The following CLPB variants were observed in gnomAD, a reference collection of about 807,000 sequenced individuals.
The protein encoded by CLPB is mitochondrial disaggregase.
In CLPB, 40 loss-of-function variants were observed where a neutral mutation model predicts 78.4. The observed-to-expected ratio is 0.51, with a 90% CI of 0.40 to 0.66. The LOEUF is 0.66. Among genes scored for constraint, CLPB ranks in the 30% least tolerant of loss-of-function variants. The probability of loss-of-function intolerance (pLI) is 0.00; values close to 1 mark genes in which losing one functional copy is unlikely to be tolerated. For missense variants in CLPB, 780 were observed against 886.9 expected (o/e 0.88, Z 1.53); for synonymous variants, 333 against 348.0 (o/e 0.96, Z 0.48).
intron 4 of CLPB, among the ~76,000 whole-genome samples, chr11:72,375,118 C>T (rs961982322): frequency 6.6e-6 from 1 of 152,134 alleles, no homozygotes; most frequent in African/African-American, 2.4e-5. Context: ...TAGGAATCTC[C>T]AGATATTTTA....
At chr11:72,409,390 C>T (rs1469369884) in intron 2 of CLPB, among the ~76,000 whole-genome samples, 1 of 152,012 alleles carries the variant, frequency 6.6e-6, no homozygotes, top group Non-Finnish European at 1.5e-5. Flanking sequence ...TCGAGACCAG[C>T]CCAGCCAACA....
At chr11:72,302,735 G>T in intron 9 of CLPB, 1 of 264,146 alleles carries the variant, frequency 3.8e-6, no homozygotes, top group Non-Finnish European at 7.5e-6. Context: ...CTTGGTCTCT[G>T]TCCTTAAGAA....
At chr11:72,360,074 C>T (rs1209913285) in intron 4 of CLPB, among the ~76,000 whole-genome samples, 2 of 152,152 alleles carry the variant, frequency 1.3e-5, no homozygotes, top group African/African-American at 4.8e-5. Flanking sequence ...GAAATGAGAC[C>T]CCTCAGAGCA....
At chr11:72,316,984 T>C (rs1322931261) in intron 7 of CLPB, 122 bp downstream of exon 7, 5 of 593,532 alleles carry the variant, frequency 8.4e-6, no homozygotes, top group Non-Finnish European at 1.4e-5. Context: ...GTCTGGCATG[T>C]AGATAGTACT....
chr11:72,318,668 G>A (rs908511720), intron 6 of CLPB, among the ~76,000 whole-genome samples: 4 of 152,280 alleles, frequency 2.6e-5, no homozygotes, highest in South Asian at 4.1e-4. Context: ...GACCTTGACA[G>A]AAGTTAAAAA....
rs541721719 is a variant in CLPB at position 72,287,452 on chromosome 11, A to G, written c.*5915T>C. On this transcript the variant is annotated 3_prime_UTR_variant, in exon 16 of 16. Coordinates refer to ENST00000538039, the MANE Select transcript of CLPB (RefSeq NM_001258392.3). ...TCAGCCTCCCAAGTAGCTGTTGACT[A>G]CAGGCAAGCACCATCATGCCTGGCT... 3 of 152,270 alleles carry G rather than the reference A, an allele frequency of 2.0e-5. No homozygotes were observed. The highest frequency in any genetic ancestry group is 2.1e-4 in the South Asian group (1 of 4,814). 9.4% of individuals were successfully genotyped at this position (152,270 alleles called of 1,614,324 possible).
intron 5 of CLPB, chr11:72,354,140 G>T: frequency 2.8e-6 from 1 of 356,744 alleles, no homozygotes; most frequent in Non-Finnish European, 4.9e-6. Flanking sequence ...TAAATGGCAG[G>T]GCTGGTACCA....
chr11:72,323,787 T>A (rs1377239966), intron 6 of CLPB, among the ~76,000 whole-genome samples: 1 of 152,156 alleles, frequency 6.6e-6, no homozygotes, highest in Non-Finnish European at 1.5e-5. Context: ...GAGATAGGAA[T>A]AACATCTGTA....
intron 4 of CLPB, among the ~76,000 whole-genome samples, chr11:72,377,652 G>A (rs900045125): frequency 4.3e-4 from 60 of 140,638 alleles, no homozygotes; most frequent in Non-Finnish European, 1.2e-4. Flanking sequence ...GGGAAGCAAA[G>A]GGGAAGGGAA....
intron 5 of CLPB, among the ~76,000 whole-genome samples, chr11:72,331,229 C>A (rs1182289701): frequency 6.6e-6 from 1 of 151,774 alleles, no homozygotes; most frequent in Non-Finnish European, 1.5e-5. Flanking sequence ...TGGTGAAACG[C>A]CATCTCTCCT....
rs146721061 is a variant in CLPB at position 72,301,812 on chromosome 11, C to T, written c.1320G>A (p.Leu440=). ...HPDVLTIMLQ[L]FDEGRLTDGK... is the part of the protein sequence containing the mutation. ...GCCCAAGGTGACTCACCTCATCAAA[C>T]AGCTGCAGCATGATGGTGAGCACAT... The change falls in exon 11 of 16, where the codon CTG becomes CTA. Residue 440 remains leucine (L), a synonymous_variant. Coordinates refer to ENST00000538039, the MANE Select transcript of CLPB (RefSeq NM_001258392.3). 1.2e-6 allele frequency: 2 copies of T among 1,613,982 alleles called. No homozygotes were observed. The highest frequency in any genetic ancestry group is 1.1e-5 in the South Asian group (1 of 91,054).
rs150343959 is a variant in CLPB, at chr11:72,293,609, G to A, written c.1792C>T (p.Arg598Cys). The A allele has an allele frequency of 2.0e-3, 3,293 of 1,610,442 alleles. 4 individuals carry two copies. Among genetic ancestry groups the A allele is most frequent in the Non-Finnish European group, 2.6e-3 (3,051 of 1,177,142 alleles). The change falls in exon 16 of 16, where the codon CGC (arginine) becomes TGC (cysteine). Residue 598 changes from arginine (R) to cysteine (C), a missense_variant. Transcript: ENST00000538039. The stretch of plus-strand genomic sequence containing the variant: ...GCTGCCAGCTGGTTCACCACACGGC[G>A]TTCTACCTGTCGGTGGGGAGGTGAA... ...GARSIKHEVERRVVNQLAAAY... is the reference protein window; with the variant it reads ...GARSIKHEVECRVVNQLAAAY...
chr11:72,381,830 G>A (rs1454006654), intron 3 of CLPB, among the ~76,000 whole-genome samples: 3 of 152,024 alleles, frequency 2.0e-5, no homozygotes, highest in African/African-American at 4.8e-5. Flanking sequence ...GTGGACACAG[G>A]CTCTAGGCCT....
chr11:72,326,314 T>A (rs1950133603), intron 6 of CLPB, among the ~76,000 whole-genome samples: 2 of 152,204 alleles, frequency 1.3e-5, no homozygotes, highest in Non-Finnish European at 1.5e-5. Flanking sequence ...ATACCACTGA[T>A]GACTCAGTGG....
At position 72,424,885 on chromosome 11, in the gene CLPB, CA is replaced by C. The variant is rs962545502; in HGVS notation, c.455+5426del. 4.7e-5 allele frequency among the ~76,000 whole-genome samples: 7 copies of C among 148,384 alleles called. No homozygotes were observed. In the East Asian group the frequency reaches 5.9e-4, roughly 13 times the overall value. ...TGGGGGACAGAATGAGACTCCGTCT[CA>C]AAAAAAACAAAACAAAACAAAAAAA... On this transcript the variant is annotated intron_variant, in intron 2 of 15. Coordinates refer to ENST00000538039, the MANE Select transcript of CLPB (RefSeq NM_001258392.3).
At chr11:72,305,944 C>T (rs1023716412) in intron 9 of CLPB, among the ~76,000 whole-genome samples, 1 of 152,196 alleles carries the variant, frequency 6.6e-6, no homozygotes, top group East Asian at 1.9e-4. Context: ...AATTCTTCAT[C>T]CCTAATCAGG....
At chr11:72,368,443 G>C (rs1950983834) in intron 4 of CLPB, among the ~76,000 whole-genome samples, 2 of 152,288 alleles carry the variant, frequency 1.3e-5, no homozygotes, top group Middle Eastern at 6.8e-3. Context: ...GACTGAGCTG[G>C]AAAGTTCAAC....
chr11:72,392,092 C>T (rs1008376870), intron 3 of CLPB, among the ~76,000 whole-genome samples: 1 of 151,884 alleles, frequency 6.6e-6, no homozygotes, highest in Admixed American at 6.6e-5. Context: ...AGACGGCTGG[C>T]GAGCAGCTGG....
In CLPB at chr11:72,295,514, A is replaced by G; in HGVS notation, c.1464T>C (p.Arg488=). 1 of 1,614,184 alleles carries G rather than the reference A, an allele frequency of 6.2e-7. No homozygotes were observed. The highest frequency in any genetic ancestry group is 1.1e-5 in the South Asian group (1 of 91,082). ...TACCCAGGTTTTCGGCAATACGGTT[A>G]CGGCTCATCTCCAAAGCTTCCTGCC... is the stretch of plus-strand genomic sequence containing the variant. ...QLRQEALEMS[R]NRIAENLGDV... Residue 488 remains arginine (R), a synonymous_variant, in exon 12 of 16, where the codon CGT becomes CGC. Transcript: ENST00000538039.
Sources: allele counts gnomAD v4.1 joint callset (sites outside exome capture counted in the v4.1 genomes callset), GRCh38; gene constraint gnomAD v4.1.1; transcripts MANE v1.5; gene names NCBI Gene and HGNC (gene_info 2026-07-23, HGNC 2026-07-21).